Variants in CELF2 observed in about 807,000 individuals in gnomAD.
The protein encoded by CELF2 is CUGBP Elav-like family member 2, also known as CUG triplet repeat RNA-binding protein 2.
A neutral mutation model predicts 62.6 loss-of-function variants in CELF2; 8 were observed. The ratio of observed to expected loss-of-function variants is 0.13; its 90% CI spans 0.07 to 0.23. The LOEUF (loss-of-function observed/expected upper bound fraction) is 0.23. Among genes scored for constraint, CELF2 ranks in the 10% least tolerant of loss-of-function variants. The probability of loss-of-function intolerance (pLI) is 1.00; values close to 1 mark genes in which losing one functional copy is unlikely to be tolerated. For missense variants in CELF2, 333 were observed against 671.0 expected (o/e 0.50, Z 5.56); for synonymous variants, 258 against 250.0 (o/e 1.03, Z -0.30).
chr10:10,674,326 A>C, the CELF2 span, among the ~76,000 whole-genome samples: 4 of 152,204 alleles, frequency 2.6e-5, no homozygotes, highest in Non-Finnish European at 4.4e-5. Flanking sequence ...TTTGAAATTC[A>C]TACAGCAACT....
At chr10:10,828,838 T>TA (rs11417469) in intron 1 of CELF2, among the ~76,000 whole-genome samples, 8,638 of 152,226 alleles carry the variant, frequency 0.057, 342 homozygotes, top group Non-Finnish European at 0.088. Context: ...ATGAATTGAA[T>TA]AAGCAATGGA....
intron 1 of CELF2, among the ~76,000 whole-genome samples, chr10:10,822,300 A>G (rs148486119): frequency 4.4e-4 from 67 of 152,284 alleles, no homozygotes; most frequent in African/African-American, 1.4e-3. Context: ...TTGCTTCTGT[A>G]CAAATGTATT....
intron 1 of CELF2, among the ~76,000 whole-genome samples, chr10:11,056,007 A>C (rs534712816): frequency 6.6e-5 from 10 of 152,348 alleles, no homozygotes; most frequent in African/African-American, 2.4e-4. Context: ...TAAATCCAAG[A>C]AGTGCATTTA....
chr10:11,152,212 T>C (rs2132719362), intron 1 of CELF2, among the ~76,000 whole-genome samples: 1 of 152,210 alleles, frequency 6.6e-6, no homozygotes, highest in South Asian at 2.1e-4. Context: ...CAAAAACATA[T>C]TCATGTAGTC....
the CELF2 span, among the ~76,000 whole-genome samples, chr10:10,494,870 A>G: frequency 1.3e-5 from 2 of 152,244 alleles, no homozygotes; most frequent in Admixed American, 6.5e-5. Context: ...ATGACAGTAG[A>G]GAAAATCAAG....
chr10:11,219,394 C>T (rs904059879), intron 3 of CELF2, among the ~76,000 whole-genome samples: 4 of 152,134 alleles, frequency 2.6e-5, no homozygotes, highest in African/African-American at 9.7e-5. Flanking sequence ...CCTAAAAATC[C>T]TGCATGTAGA....
intron 1 of CELF2, among the ~76,000 whole-genome samples, chr10:10,905,445 A>G (rs7072985): frequency 0.87 from 132,826 of 152,214 alleles, 58,136 homozygotes; most frequent in African/African-American, 0.93. Flanking sequence ...AAATTACTAG[A>G]TAATCTAAAA....
rs561568896 is a variant in CELF2, at chr10:11,316,920, A to G, written c.1096+2662A>G. 7.7e-4 allele frequency: 118 copies of G among 152,352 alleles called. No individual in the cohort carries two copies. Among genetic ancestry groups the G allele is most frequent in the African/African-American group, 2.8e-3 (115 of 41,582 alleles). The allele number at this position is 152,352 out of a possible 1,614,324, so 9.4% of individuals were successfully genotyped here. On this transcript the variant is annotated intron_variant, in intron 10 of 12. Coordinates refer to ENST00000633077, the MANE Select transcript of CELF2 (RefSeq NM_001326342.2). This position sits in a 1 kb window ranked among gnomAD's most constrained non-coding sequence, Gnocchi z 4.4. ...ACAGCGCCCTAAAAATGTAAGAATCATCCAGATCAGAAGAAGGAACACATG... is the reference window on the plus strand; with the variant it reads ...ACAGCGCCCTAAAAATGTAAGAATCGTCCAGATCAGAAGAAGGAACACATG...
At chr10:10,564,680 A>G in the CELF2 span, among the ~76,000 whole-genome samples, 10 of 131,616 alleles carry the variant, frequency 7.6e-5, no homozygotes, top group East Asian at 8.8e-4. Flanking sequence ...ACACGCACAC[A>G]CGCACACACA....
Position 11,306,553 on chromosome 10 carries a change from T to C in CELF2, c.977-7586T>C, listed in dbSNP as rs531068705. Among the ~76,000 whole-genome samples the C allele has an allele frequency of 6.6e-6, 1 of 152,310 alleles. No individual in the cohort carries two copies. The highest frequency in any genetic ancestry group is 2.1e-4 in the South Asian group (1 of 4,830). On this transcript the variant is annotated intron_variant, in intron 9 of 12. Transcript: ENST00000633077. This position sits in a 1 kb window ranked among gnomAD's most constrained non-coding sequence, Gnocchi z 4.4. ...ATTGGAGTTTTTCTTATGCTTTAAA[T>C]TATTTGTTAACATTCAGAAGGTTCT...
At chr10:10,536,889 G>C in the CELF2 span, among the ~76,000 whole-genome samples, 1 of 152,242 alleles carries the variant, frequency 6.6e-6, no homozygotes, top group Non-Finnish European at 1.5e-5. Flanking sequence ...TGACAGATGG[G>C]ATCTTGTGGA....
chr10:11,170,231 C>T (rs1181898659), intron 2 of CELF2, among the ~76,000 whole-genome samples: 1 of 152,184 alleles, frequency 6.6e-6, no homozygotes, highest in Non-Finnish European at 1.5e-5. Flanking sequence ...TGGAAAGATA[C>T]TTCATTTGAG....
intron 1 of CELF2, among the ~76,000 whole-genome samples, chr10:11,131,834 C>G (rs2059673675): frequency 6.6e-6 from 1 of 152,126 alleles, no homozygotes; most frequent in Non-Finnish European, 1.5e-5. Flanking sequence ...ACCCAGGGGT[C>G]TAGTATTGCG....
intron 2 of CELF2, among the ~76,000 whole-genome samples, chr10:10,988,431 G>A (rs535224836): frequency 1.3e-5 from 2 of 151,980 alleles, no homozygotes; most frequent in Admixed American, 6.6e-5. Context: ...ACCAAATATC[G>A]TACGTTCTCA....
At position 11,330,403 on chromosome 10, in the gene CELF2, T is replaced by G. The variant is rs761157983; in HGVS notation, c.*1350T>G. 6.6e-6 allele frequency: 1 copy of G among 152,612 alleles called. No individual in the cohort carries two copies. Among genetic ancestry groups the G allele is most frequent in the Non-Finnish European group, 1.5e-5 (1 of 68,040 alleles). 9.5% of individuals were successfully genotyped at this position (152,612 alleles called of 1,614,324 possible). Reference sequence around the variant, plus strand: ...CCTGCACCCTTAAAAGTGATTTTGTTGCCGCTGCATAGATTCTGTGTAACT... The same window carrying G: ...CCTGCACCCTTAAAAGTGATTTTGTGGCCGCTGCATAGATTCTGTGTAACT... On this transcript the variant is annotated 3_prime_UTR_variant, in exon 13 of 13. Coordinates refer to ENST00000633077, the MANE Select transcript of CELF2 (RefSeq NM_001326342.2). This position sits in a 1 kb window ranked among gnomAD's most constrained non-coding sequence, Gnocchi z 4.5.
chr10:10,906,717 CT>C (rs397846553), intron 1 of CELF2, among the ~76,000 whole-genome samples: 11 of 109,288 alleles, frequency 1.0e-4, no homozygotes, highest in Admixed American at 2.5e-4. Flanking sequence ...TTTTTCTTTT[CT>C]TTTTTTTTTT....
rs552565723 is a variant in CELF2, at chr10:10,891,494, C to A, written c.54-28470C>A. Among the ~76,000 whole-genome samples the A allele has an allele frequency of 2.4e-4, 37 of 151,864 alleles. No homozygotes were observed. The South Asian group carries it at 6.9e-3, about 28-fold the overall frequency. On this transcript the variant is annotated intron_variant, in intron 1 of 13. Transcript: ENST00000636488. ...TGCCAGATGCAATACTAGATACTTA[C>A]AAACGTTAGAGCTTGTAATTTCATC...
intron 1 of CELF2, among the ~76,000 whole-genome samples, chr10:11,063,331 A>G (rs1476371695): frequency 6.6e-6 from 1 of 152,252 alleles, no homozygotes; most frequent in Admixed American, 6.5e-5. Flanking sequence ...ATTTGAAATC[A>G]TTGAAAGATG....
the CELF2 span, among the ~76,000 whole-genome samples, chr10:10,586,581 C>T: frequency 6.6e-6 from 1 of 152,110 alleles, no homozygotes; most frequent in Non-Finnish European, 1.5e-5. Flanking sequence ...GAAGCTATGC[C>T]GTGTAGTGGG....
Sources: gnomAD v4.1 joint callset for allele counts (sites outside exome capture counted in the v4.1 genomes callset) on GRCh38, gnomAD v4.1.1 for gene constraint, Gnocchi (gnomAD v3.1) non-coding constraint, MANE v1.5 for transcripts, NCBI Gene and HGNC (gene_info 2026-07-23, HGNC 2026-07-21) for gene names.